Variants in NISCH observed in about 807,000 individuals in gnomAD.
NISCH encodes I-1 receptor candidate protein.
In NISCH, 55 loss-of-function variants were observed where a neutral mutation model predicts 138.4. The ratio of observed to expected loss-of-function variants is 0.40; its 90% CI spans 0.32 to 0.50. The LOEUF is 0.50. NISCH is among the 20% of genes least tolerant of loss of function. The pLI, the probability that NISCH is intolerant of heterozygous loss-of-function variation, is 0.71. For missense variants in NISCH, 1,643 were observed against 2,005.5 expected (o/e 0.82, Z 3.45); for synonymous variants, 860 against 861.5 (o/e 1.00, Z 0.03).
In NISCH at chr3:52,488,493, C is replaced by T; in HGVS notation, c.3001C>T (p.Leu1001=). 3 of 1,613,422 alleles carry T rather than the reference C, an allele frequency of 1.9e-6. No homozygotes were observed. The highest frequency in any genetic ancestry group is 2.5e-6 in the Non-Finnish European group (3 of 1,180,004). ...KFHFLRVYNQ[L]RASLQDLKTV... The stretch of plus-strand genomic sequence containing the variant: ...CCACTTCCTGCGCGTCTACAACCAG[C>T]TGCGGGCCTCGCTGCAGGACCTGAA... The change falls in exon 16 of 21, where the codon CTG becomes TTG. Residue 1001 remains leucine (L), a synonymous_variant. Transcript: ENST00000345716.
chr3:52,460,125 A>G (rs13074649), intron 3 of NISCH, among the ~76,000 whole-genome samples: 142,919 of 148,462 alleles, frequency 0.96, 68,842 homozygotes, highest in African/African-American at 0.99. Context: ...AGGTTGCAGT[A>G]AGTCGAGATC....
intron 13 of NISCH, chr3:52,480,696 C>G: frequency 7.0e-7 from 1 of 1,420,812 alleles, no homozygotes. Flanking sequence ...GAGCCCGAAT[C>G]CCTGTGCAGG....
Position 52,489,617 on chromosome 3 carries a change from G to A in NISCH, c.3395G>A (p.Arg1132Gln), listed in dbSNP as rs376126677. 2.2e-5 allele frequency: 36 copies of A among 1,612,914 alleles called. No homozygotes were observed. Among genetic ancestry groups the A allele is most frequent in the Middle Eastern group, 1.6e-4 (1 of 6,084 alleles). The change falls in exon 17 of 21, where the codon CGG (arginine) becomes CAG (glutamine). Residue 1132 changes from arginine to glutamine, a missense_variant. By Grantham distance (43) the Arg-to-Gln change is conservative (BLOSUM62 1). Coordinates refer to ENST00000345716, the MANE Select transcript of NISCH (RefSeq NM_007184.4). ...PSHLPACPSL[R>Q]HVASLRGSAI... The stretch of plus-strand genomic sequence containing the variant: ...CACTTGCCTGCCTGCCCGTCGCTCC[G>A]GCACGTCGCCAGCCTGCGGGGCAGC...
intron 4 of NISCH, chr3:52,471,356 G>T (rs1226298363): frequency 7.1e-6 from 2 of 279,724 alleles, no homozygotes; most frequent in African/African-American, 2.2e-5. Flanking sequence ...GCACATGGCT[G>T]GGAGGAGTGG....
rs201307683 is a variant in NISCH at position 52,488,201 on chromosome 3, C to A, written c.2709C>A (p.Ser903=). ...SCCAPSEAVK[S]AAIPYWLLLT... ...GCGCGCCCTCTGAGGCCGTCAAGTC[C>A]GCCGCCATCCCCTACTGGCTGTTGC... Residue 903 remains serine, a synonymous_variant, in exon 16 of 21, where the codon TCC becomes TCA. Coordinates refer to ENST00000345716, the MANE Select transcript of NISCH (RefSeq NM_007184.4). The A allele has an allele frequency of 6.2e-7, 1 of 1,613,028 alleles. No homozygotes were observed. Among genetic ancestry groups the A allele is most frequent in the Non-Finnish European group, 8.5e-7 (1 of 1,179,966 alleles).
intron 17 of NISCH, 180 bp downstream of exon 17, chr3:52,489,858 G>T (rs1051666762): frequency 2.4e-6 from 3 of 1,255,722 alleles, no homozygotes; most frequent in African/African-American, 1.5e-5. Context: ...CTGGCCATTT[G>T]TGCTGTGTCA....
At chr3:52,462,035 A>G (rs938835551) in intron 3 of NISCH, among the ~76,000 whole-genome samples, 6 of 152,102 alleles carry the variant, frequency 3.9e-5, no homozygotes, top group African/African-American at 1.4e-4. Flanking sequence ...GAGGGTGGAA[A>G]GGCCTGGACT....
chr3:52,455,737 G>A lies in NISCH; in HGVS notation c.93+3G>A. ...CGGAGCTTGTGGACACTTATACGGT[G>A]TGTTGGGGGCGCGGGCACCCGAAGC... On this transcript the variant is annotated splice_donor_region_variant and intron_variant, in intron 1 of 20. Transcript: ENST00000345716. The A allele has an allele frequency of 7.4e-7, 1 of 1,356,030 alleles. No homozygotes were observed. Among genetic ancestry groups the A allele is most frequent in the Non-Finnish European group, 9.6e-7 (1 of 1,043,402 alleles). 84.0% of individuals were successfully genotyped at this position (1,356,030 alleles called of 1,614,324 possible).
At chr3:52,474,646 G>T (rs1365720195) in intron 7 of NISCH, among the ~76,000 whole-genome samples, 1 of 151,830 alleles carries the variant, frequency 6.6e-6, no homozygotes, top group African/African-American at 2.4e-5. Context: ...TGGCCAGGCT[G>T]ATCTCGAACT....
At position 52,473,778 on chromosome 3, in the gene NISCH, G is replaced by A. The variant is rs76608301; in HGVS notation, c.714G>A (p.Ser238=). Residue 238 remains serine, a synonymous_variant, in exon 7 of 21, where the codon TCG becomes TCA. Transcript: ENST00000345716. ...DAKHIRGLVA[S]KPTLATLSVR... is the part of the protein sequence containing the mutation. ...AGCACATCAGAGGGCTGGTCGCATC[G>A]AAGCCCACCTTAGCCACGCTGAGTG... 4.3e-3 allele frequency: 6,968 copies of A among 1,609,622 alleles called. 32 individuals carry two copies. Among genetic ancestry groups the A allele is most frequent in the Non-Finnish European group, 4.9e-3 (5,751 of 1,176,396 alleles).
rs750085697 is a variant in NISCH at position 52,471,910 on chromosome 3, C to T, written c.506C>T (p.Ala169Val). Reference sequence around the variant, plus strand: ...CTGCAGCAGGGAAAGCCCACGTGCGCCAGTGGGGATGCCAAGACCGACCTC... The same window carrying T: ...CTGCAGCAGGGAAAGCCCACGTGCGTCAGTGGGGATGCCAAGACCGACCTC... ...EQLQQGKPTC[A>V]SGDAKTDLGH... is the part of the protein sequence containing the mutation. Residue 169 changes from alanine to valine, a missense_variant, in exon 5 of 21, where the codon GCC becomes GTC. By Grantham distance (64) the Ala-to-Val change is moderately conservative. Transcript: ENST00000345716. 2.5e-5 allele frequency: 41 copies of T among 1,612,668 alleles called. No homozygotes were observed. Among genetic ancestry groups the T allele is most frequent in the Non-Finnish European group, 3.5e-5 (41 of 1,179,210 alleles).
At position 52,457,858 on chromosome 3, in the gene NISCH, G is replaced by T; in HGVS notation, c.109G>T (p.Val37Phe). ...CCCCTTTTAGGTTTACATCATCCAG[G>T]TCACTGATGGCAGCCATGAGTGGAC... Reference protein sequence around the residue: ...VDTYTVYIIQVTDGSHEWTVK... With the variant: ...VDTYTVYIIQFTDGSHEWTVK... The change falls in exon 2 of 21, where the codon GTC (valine) becomes TTC (phenylalanine). Residue 37 changes from valine to phenylalanine, a missense_variant. Physicochemically the swap from Val to Phe is conservative, Grantham distance 50 (BLOSUM62 -1). Transcript: ENST00000345716. The T allele has an allele frequency of 6.2e-7, 1 of 1,611,792 alleles. No individual in the cohort carries two copies. Among genetic ancestry groups the T allele is most frequent in the Non-Finnish European group, 8.5e-7 (1 of 1,178,158 alleles).
intron 3 of NISCH, among the ~76,000 whole-genome samples, chr3:52,459,343 C>T (rs1193218520): frequency 6.6e-6 from 1 of 152,228 alleles, no homozygotes; most frequent in Non-Finnish European, 1.5e-5. Context: ...CAGCTCTGTA[C>T]TCCGTCCTTG....
Position 52,492,706 on chromosome 3 carries a change from G to A in NISCH, c.*224G>A. The A allele has an allele frequency of 5.7e-5, 35 of 611,068 alleles. 2 individuals carry two copies. In the South Asian group the frequency reaches 7.6e-4, roughly 13 times the overall value. The allele number at this position is 611,068 out of a possible 1,614,324, so 37.9% of individuals were successfully genotyped here. A position where few individuals can be genotyped will look rare whatever the true frequency, so the allele number is the denominator to read the frequency against. On this transcript the variant is annotated 3_prime_UTR_variant, in exon 21 of 21. Transcript: ENST00000345716. ...TCGGTGTGCTGTCAGCCTCCCACAG[G>A]TGGTACAGCCGTGCACACCAGTGTC...
At chr3:52,490,504 G>A (rs1707533505) in intron 18 of NISCH, among the ~76,000 whole-genome samples, 2 of 152,196 alleles carry the variant, frequency 1.3e-5, no homozygotes, top group South Asian at 4.1e-4. Context: ...CCCTGGGGCT[G>A]CACAGGAAGC....
chr3:52,461,124 C>T (rs1213734532), intron 3 of NISCH, among the ~76,000 whole-genome samples: 2 of 152,148 alleles, frequency 1.3e-5, no homozygotes, highest in East Asian at 1.9e-4. Context: ...CCTGTAGTCC[C>T]AGCTACTCAG....
At position 52,471,868 on chromosome 3, in the gene NISCH, A is replaced by G; in HGVS notation, c.464A>G (p.Tyr155Cys). ...EVFAIGPLQL[Y>C]AVTEQLQQGK... ...TTTGCCATTGGACCCCTGCAGCTGT[A>G]TGCCGTCACGGAGCAGCTGCAGCAG... The change falls in exon 5 of 21, where the codon TAT (tyrosine) becomes TGT (cysteine). Residue 155 changes from tyrosine to cysteine, a missense_variant. Coordinates refer to ENST00000345716, the MANE Select transcript of NISCH (RefSeq NM_007184.4). 6.2e-7 allele frequency: 1 copy of G among 1,613,828 alleles called. No individual in the cohort carries two copies. The highest frequency in any genetic ancestry group is 8.5e-7 in the Non-Finnish European group (1 of 1,179,914).
intron 3 of NISCH, among the ~76,000 whole-genome samples, chr3:52,459,448 T>TTTTGAGA (rs1179469849): frequency 6.6e-6 from 1 of 152,218 alleles, no homozygotes; most frequent in African/African-American, 2.4e-5. Context: ...ATATTTGTGC[T>TTTTGAGA]TTTGAGACGG....
chr3:52,461,614 A>AG (rs1706633907), intron 3 of NISCH, among the ~76,000 whole-genome samples: 1 of 152,220 alleles, frequency 6.6e-6, no homozygotes, highest in Admixed American at 6.5e-5. Context: ...CTGTAATCCC[A>AG]GCACTTTGGG....
Sources: allele counts gnomAD v4.1 joint callset (sites outside exome capture counted in the v4.1 genomes callset), GRCh38; gene constraint gnomAD v4.1.1; transcripts MANE v1.5; gene names NCBI Gene and HGNC (gene_info 2026-07-23, HGNC 2026-07-21).